BCOR: variants seen among roughly 807,000 people sequenced by gnomAD.
BCOR encodes BCL-6 corepressor.
BCOR carries 10 observed loss-of-function variants against 86.7 expected under a neutral mutation model. The observed-to-expected ratio is 0.12, with a 90% CI of 0.07 to 0.20. BCOR has a LOEUF of 0.20. Ranked by LOEUF, BCOR falls within the 10% of genes least tolerant of loss-of-function variation. The probability of loss-of-function intolerance (pLI) is 1.00; values close to 1 mark genes in which losing one functional copy is unlikely to be tolerated. For missense variants in BCOR, 1,259 were observed against 1,452.1 expected (o/e 0.87, Z 2.16); for synonymous variants, 611 against 609.0 (o/e 1.00, Z -0.05).
intron 12 of BCOR, among the ~76,000 whole-genome samples, 172 bp from the exon 13 acceptor site, chrX:40,054,505 T>TA: frequency 9.2e-6 from 1 of 108,139 alleles, no homozygotes; most frequent in East Asian, 2.9e-4. Context: ...ATCTCTTTTT[T>TA]TTTTTTTTTT....
At chrX:40,155,923 C>T (rs1244362630) in intron 1 of BCOR, among the ~76,000 whole-genome samples, 1 of 112,721 alleles carries the variant, frequency 8.9e-6, no homozygotes, top group Non-Finnish European at 1.9e-5. Flanking sequence ...CGCTGCCCCT[C>T]CTGGAGGCCT....
intron 1 of BCOR, among the ~76,000 whole-genome samples, chrX:40,107,100 G>A (rs1430741946): frequency 1.8e-5 from 2 of 112,598 alleles, no homozygotes; most frequent in African/African-American, 6.5e-5. Context: ...GAAGGGGAGG[G>A]AAGAGAAAGT....
intron 1 of BCOR, among the ~76,000 whole-genome samples, chrX:40,173,315 C>T (rs958397375): frequency 2.7e-5 from 3 of 112,024 alleles, no homozygotes; most frequent in Middle Eastern, 4.6e-3. Context: ...TAAAATAAGA[C>T]CAATACTATT....
chrX:40,095,858 C>T (rs935337121), intron 1 of BCOR, among the ~76,000 whole-genome samples: 1 of 111,139 alleles, frequency 9.0e-6, no homozygotes, highest in African/African-American at 3.3e-5. Flanking sequence ...TTACGCCTCG[C>T]CCGGCCACGG....
At position 40,073,118 on chromosome X, in the gene BCOR, G is replaced by C; in HGVS notation, c.2228C>G (p.Pro743Arg). The change falls in exon 4 of 15, where the codon CCA becomes CGA. Residue 743 changes from proline to arginine, a missense_variant. Pro to Arg is a moderately radical substitution (Grantham distance 103, BLOSUM62 -2). This residue lies in a region of BCOR where 534 missense variants were observed against 594.8 expected (regional missense o/e 0.90). Transcript: ENST00000378444. ...CTCATGGGACCGGGATCTCCTCTCT[G>C]GTTTCTCCTCTTTAGTAATCTCTAT... ...TPIEITKEEK[P>R]ERRSRSHERA... is the part of the protein sequence containing the mutation. The C allele has an allele frequency of 1.1e-5, 13 of 1,211,972 alleles. No homozygotes were observed. The highest frequency in any genetic ancestry group is 1.5e-5 in the Non-Finnish European group (13 of 895,534).
At chrX:40,084,863 G>A (rs2147480983) in intron 1 of BCOR, among the ~76,000 whole-genome samples, 1 of 112,503 alleles carries the variant, frequency 8.9e-6, no homozygotes, top group African/African-American at 3.2e-5. Context: ...GTCTCTCACT[G>A]ATTGTGCAGA....
chrX:40,151,661 G>A (rs904538483), intron 1 of BCOR, among the ~76,000 whole-genome samples: 3 of 113,188 alleles, frequency 2.7e-5, no homozygotes, highest in Non-Finnish European at 5.6e-5. Context: ...GGAAGGGGGA[G>A]GGGAGCGACA....
chrX:40,128,007 A>ATTTGAG (rs1215485980), intron 1 of BCOR, among the ~76,000 whole-genome samples: 1 of 109,901 alleles, frequency 9.1e-6, no homozygotes. Flanking sequence ...CGGACAGATC[A>ATTTGAG]CGAGATCAGG....
chrX:40,110,646 TTTTTTTC>T lies in BCOR; in HGVS notation c.-40-32684_-40-32678del, dbSNP rs1431626661. Among the ~76,000 whole-genome samples, 13 of 97,853 alleles carry T rather than the reference TTTTTTTC, an allele frequency of 1.3e-4. No homozygotes were observed. The South Asian group carries it at 2.0e-3, about 15-fold the overall frequency. 85.0% of individuals were successfully genotyped at this position (97,853 alleles called of 115,157 possible). A position where few individuals can be genotyped will look rare whatever the true frequency, so the allele number is the denominator to read the frequency against. On this transcript the variant is annotated intron_variant, in intron 1 of 14. Coordinates refer to the BCOR transcript ENST00000342274. Reference sequence around the variant, plus strand: ...AATCAACCATTTTCTTTTCTTTTCTTTTTTTTCTTTTTTCCTTTTTCTTTTTTTTTTT... The same window carrying T: ...AATCAACCATTTTCTTTTCTTTTCTTTTTTTTCCTTTTTCTTTTTTTTTTT...
chrX:40,165,140 A>G (rs1399849644), intron 1 of BCOR, among the ~76,000 whole-genome samples: 4 of 111,703 alleles, frequency 3.6e-5, no homozygotes, highest in Non-Finnish European at 7.5e-5. Flanking sequence ...CAGCCAGGGA[A>G]CAGGCAAAAA....
intron 6 of BCOR, 53 bp downstream of exon 6, chrX:40,070,920 A>G (rs907154091): frequency 2.9e-5 from 33 of 1,131,460 alleles, no homozygotes; most frequent in Middle Eastern, 3.4e-4. Context: ...TTCTCCAAGC[A>G]GATGCCAACC....
chrX:40,124,871 C>T (rs756226921), intron 1 of BCOR, among the ~76,000 whole-genome samples: 2 of 111,018 alleles, frequency 1.8e-5, no homozygotes, highest in Admixed American at 9.7e-5. Flanking sequence ...TGTGACTGGC[C>T]CACAAACCCT....
rs775181819 is a variant in BCOR, at chrX:40,073,285, G to A, written c.2061C>T (p.Pro687=). The A allele has an allele frequency of 5.0e-6, 6 of 1,210,692 alleles. No homozygotes were observed. The South Asian group carries it at 8.8e-5, about 18-fold the overall frequency. Residue 687 remains proline, a synonymous_variant, in exon 4 of 15, where the codon CCC becomes CCT. Transcript: ENST00000378444. The part of the protein sequence containing the change: ...GPVYPHPVLL[P]NGSLFPGHLA... ...GGTGCCCAGGAAACAGACTGCCATTGGGTAACAAAACTGGGTGAGGGTAGA... is the reference window on the plus strand; with the variant it reads ...GGTGCCCAGGAAACAGACTGCCATTAGGTAACAAAACTGGGTGAGGGTAGA...
At chrX:40,054,398 G>C (rs1934483288) in intron 12 of BCOR, 65 bp from the exon 13 acceptor site, 2 of 926,119 alleles carry the variant, frequency 2.2e-6, no homozygotes, top group African/African-American at 3.9e-5. Context: ...TGATGGCAGA[G>C]CCACGTGGCA....
In BCOR at chrX:40,103,211, G is replaced by C. The variant is rs774839851; in HGVS notation, c.-40-25242C>G. 5.4e-5 allele frequency among the ~76,000 whole-genome samples: 6 copies of C among 111,825 alleles called. No individual in the cohort carries two copies. The South Asian group carries it at 2.3e-3, about 42-fold the overall frequency. Reference sequence around the variant, plus strand: ...ACAGCGCCTGGAAGCCCGGCCATTAGCGGCCTGTCGGTGACACAGACAAAC... The same window carrying C: ...ACAGCGCCTGGAAGCCCGGCCATTACCGGCCTGTCGGTGACACAGACAAAC... On this transcript the variant is annotated intron_variant, in intron 1 of 14. Coordinates refer to the BCOR transcript ENST00000342274.
At chrX:40,080,989 G>GCACA (rs113541819) in intron 1 of BCOR, among the ~76,000 whole-genome samples, 4,891 of 107,047 alleles carry the variant, frequency 0.046, 231 homozygotes, top group African/African-American at 0.15. Context: ...ACACACACGC[G>GCACA]CACACACACA....
At chrX:40,087,861 A>G (rs559222265) in intron 1 of BCOR, among the ~76,000 whole-genome samples, 3 of 112,500 alleles carry the variant, frequency 2.7e-5, no homozygotes, top group East Asian at 5.5e-4. Flanking sequence ...TGCTGCTTCC[A>G]TGGGTGTTTT....
chrX:40,062,696 C>T (rs759722092), intron 9 of BCOR, 50 bp downstream of exon 9: 8 of 1,102,667 alleles, frequency 7.3e-6, no homozygotes, highest in South Asian at 5.8e-5. Flanking sequence ...AGCAGGCAGG[C>T]GGGGATGTGT....
chrX:40,111,636 A>G (rs1199749677), intron 1 of BCOR, among the ~76,000 whole-genome samples: 1 of 112,404 alleles, frequency 8.9e-6, no homozygotes, highest in East Asian at 2.8e-4. Flanking sequence ...TAAGGAAAAA[A>G]AAATAAGGTA....
Sources: allele counts gnomAD v4.1 joint callset (sites outside exome capture counted in the v4.1 genomes callset), GRCh38; gene constraint gnomAD v4.1.1; regional missense constraint gnomAD v4.1.1; transcripts MANE v1.5; gene names NCBI Gene and HGNC (gene_info 2026-07-23, HGNC 2026-07-21).